The following LRRTM4 variants were observed in gnomAD, a reference collection of about 807,000 sequenced individuals.
The protein encoded by LRRTM4 is leucine-rich repeat transmembrane neuronal protein 4.
In LRRTM4, 25 loss-of-function variants were observed where a neutral mutation model predicts 47.6. The ratio of observed to expected loss-of-function variants is 0.53; its 90% CI spans 0.38 to 0.73. The LOEUF is 0.73. Among genes scored for constraint, LRRTM4 ranks in the 30% least tolerant of loss-of-function variants. The pLI, the probability that LRRTM4 is intolerant of heterozygous loss-of-function variation, is 0.00. For synonymous variants in LRRTM4, 311 were observed against 269.5 expected, an observed-to-expected ratio of 1.15 and a Z score of -1.51; for missense variants, 638 against 713.4, an observed-to-expected ratio of 0.89 and a Z score of 1.20.
chr2:77,085,804 G>A (rs972278344), intron 3 of LRRTM4, among the ~76,000 whole-genome samples: 1 of 152,038 alleles, frequency 6.6e-6, no homozygotes, highest in African/African-American at 2.4e-5. Context: ...ATCACAAACT[G>A]ATTAGCTAAT....
intron 3 of LRRTM4, among the ~76,000 whole-genome samples, chr2:76,840,321 G>A (rs535314685): frequency 2.0e-5 from 3 of 152,194 alleles, no homozygotes; most frequent in Admixed American, 1.3e-4. Context: ...TTGGGTAAAA[G>A]CATCCTCTCA....
chr2:76,895,121 T>C (rs915293546), intron 3 of LRRTM4, among the ~76,000 whole-genome samples: 2 of 151,992 alleles, frequency 1.3e-5, no homozygotes, highest in African/African-American at 4.8e-5. Context: ...TAGGTATTCT[T>C]CCATTAAAAA....
At chr2:76,750,717 C>T (rs144996359) in intron 3 of LRRTM4, among the ~76,000 whole-genome samples, 2 of 152,192 alleles carry the variant, frequency 1.3e-5, no homozygotes, top group African/African-American at 2.4e-5. Context: ...ATGCAAGTTC[C>T]TCAAATGCTC....
At chr2:76,914,074 A>T (rs1482039527) in intron 3 of LRRTM4, among the ~76,000 whole-genome samples, 1 of 151,834 alleles carries the variant, frequency 6.6e-6, no homozygotes, top group African/African-American at 2.4e-5. Flanking sequence ...TGAAAGTATT[A>T]TTTATATAAC....
intron 3 of LRRTM4, among the ~76,000 whole-genome samples, chr2:76,950,239 C>G (rs1675452806): frequency 6.6e-6 from 1 of 151,884 alleles, no homozygotes; most frequent in South Asian, 2.1e-4. Flanking sequence ...AGTCTAAATA[C>G]ATATATTAAA....
intron 3 of LRRTM4, among the ~76,000 whole-genome samples, chr2:77,051,652 GGATA>G (rs373807412): frequency 2.3e-4 from 35 of 152,116 alleles, no homozygotes; most frequent in African/African-American, 8.4e-4. Context: ...TTTTTCTCTG[GGATA>G]GATAGTACAG....
chr2:77,005,983 A>G (rs928975236), intron 3 of LRRTM4, among the ~76,000 whole-genome samples: 1 of 152,228 alleles, frequency 6.6e-6, no homozygotes, highest in Non-Finnish European at 1.5e-5. Context: ...AAGGTTCATA[A>G]TCACATAGCA....
At chr2:77,303,970 C>A (rs1391408315) in intron 3 of LRRTM4, among the ~76,000 whole-genome samples, 3 of 152,098 alleles carry the variant, frequency 2.0e-5, no homozygotes, top group African/African-American at 7.2e-5. Context: ...TGGATGTAAA[C>A]CCAGTAGTGG....
intron 3 of LRRTM4, among the ~76,000 whole-genome samples, chr2:76,928,092 C>T (rs1321648979): frequency 6.6e-6 from 1 of 151,978 alleles, no homozygotes; most frequent in Non-Finnish European, 1.5e-5. Context: ...TTACATGAGA[C>T]ATATAATAGT....
intron 3 of LRRTM4, among the ~76,000 whole-genome samples, chr2:77,430,511 C>T (rs886689329): frequency 2.0e-5 from 3 of 151,940 alleles, no homozygotes; most frequent in Non-Finnish European, 4.4e-5. Flanking sequence ...CACCTGACAT[C>T]GGGAGTTCGA....
intron 3 of LRRTM4, among the ~76,000 whole-genome samples, chr2:77,058,593 C>T (rs1311219914): frequency 1.3e-5 from 2 of 151,106 alleles, no homozygotes; most frequent in African/African-American, 4.9e-5. Flanking sequence ...AAGTAAAAAT[C>T]TCATAATCAT....
At chr2:77,033,283 A>G (rs1420485398) in intron 3 of LRRTM4, among the ~76,000 whole-genome samples, 3 of 151,886 alleles carry the variant, frequency 2.0e-5, no homozygotes, top group African/African-American at 7.2e-5. Flanking sequence ...AAAGCATTGA[A>G]TTTATATTTA....
intron 3 of LRRTM4, among the ~76,000 whole-genome samples, chr2:77,177,371 T>C (rs1003629621): frequency 6.6e-6 from 1 of 152,162 alleles, no homozygotes; most frequent in Non-Finnish European, 1.5e-5. Context: ...TCTTAGAATG[T>C]GTCTTAGGAC....
At chr2:77,385,122 A>G (rs1673212597) in intron 3 of LRRTM4, among the ~76,000 whole-genome samples, 1 of 152,196 alleles carries the variant, frequency 6.6e-6, no homozygotes, top group South Asian at 2.1e-4. Context: ...TTACAAAGTA[A>G]CGATCACCAA....
chr2:77,498,254 A>G (rs1256877471), intron 3 of LRRTM4, among the ~76,000 whole-genome samples: 1 of 151,834 alleles, frequency 6.6e-6, no homozygotes, highest in Non-Finnish European at 1.5e-5. Context: ...TAATAGAGGA[A>G]AATTCTACCA....
intron 3 of LRRTM4, among the ~76,000 whole-genome samples, chr2:77,166,364 G>T (rs1202634772): frequency 1.3e-5 from 2 of 152,124 alleles, no homozygotes; most frequent in East Asian, 1.9e-4. Flanking sequence ...GAATTATTGT[G>T]CAAATGTCCA....
In LRRTM4 at chr2:77,072,282, CTT is replaced by C. The variant is rs552852102; in HGVS notation, c.1552-323368_1552-323367del. On this transcript the variant is annotated intron_variant, in intron 3 of 3. Coordinates refer to ENST00000409884, the MANE Select transcript of LRRTM4 (RefSeq NM_001134745.3). ...CTATTTAAAAAGTATAGGTTAATCTCTTTTAAATGAGTGGGCTTTAGCTGAAT... is the reference window on the plus strand; with the variant it reads ...CTATTTAAAAAGTATAGGTTAATCTCTTAAATGAGTGGGCTTTAGCTGAAT... Among the ~76,000 whole-genome samples the C allele has an allele frequency of 1.2e-3, 184 of 151,980 alleles. 1 individual carries two copies. The highest frequency in any genetic ancestry group is 0.01 in the Middle Eastern group (3 of 294).
intron 3 of LRRTM4, among the ~76,000 whole-genome samples, chr2:77,356,735 A>G (rs1469305173): frequency 1.3e-5 from 2 of 152,156 alleles, no homozygotes; most frequent in Non-Finnish European, 2.9e-5. Flanking sequence ...TTGAGATAAA[A>G]CCAAAAACCT....
chr2:77,209,949 G>T (rs1178901668), intron 3 of LRRTM4, among the ~76,000 whole-genome samples: 3 of 152,022 alleles, frequency 2.0e-5, no homozygotes, highest in Non-Finnish European at 4.4e-5. Context: ...TGACTCCTGG[G>T]TTCAAATATT....
Sources: gnomAD v4.1 joint callset for allele counts (sites outside exome capture counted in the v4.1 genomes callset) on GRCh38, gnomAD v4.1.1 for gene constraint, MANE v1.5 for transcripts, NCBI Gene and HGNC (gene_info 2026-07-23, HGNC 2026-07-21) for gene names.